Variants in PRSS57 observed in about 807,000 individuals in gnomAD.
PRSS57 encodes the protein serine protease 57.
PRSS57 carries 19 observed loss-of-function variants against 20.6 expected under a neutral mutation model. The observed-to-expected ratio is 0.92, with a 90% CI of 0.64 to 1.35. PRSS57 has a LOEUF of 1.35. PRSS57 is among the 40% of genes most tolerant of loss of function. The pLI is 0.00. For synonymous variants in PRSS57, 203 were observed against 176.6 expected (o/e 1.15, Z -1.19); for missense variants, 440 against 403.7 (o/e 1.09, Z -0.77).
At chr19:695,069 G>T in intron 1 of PRSS57, 102 bp from the exon 2 acceptor site, 1 of 1,156,146 alleles carries the variant, frequency 8.6e-7, no homozygotes, top group Non-Finnish European at 1.2e-6. Flanking sequence ...AGAGACAGGG[G>T]GTGAGATTAG....
chr19:687,445 G>T (rs949108302), intron 3 of PRSS57, among the ~76,000 whole-genome samples: 1 of 151,924 alleles, frequency 6.6e-6, no homozygotes, highest in African/African-American at 2.4e-5. Context: ...TCGCTCTGTC[G>T]CCCAGGCTGG....
At chr19:693,432 G>C (rs928755696) in intron 2 of PRSS57, among the ~76,000 whole-genome samples, 3 of 152,000 alleles carry the variant, frequency 2.0e-5, no homozygotes, top group African/African-American at 7.2e-5. Context: ...TGGGGGTGAC[G>C]GCTGCCCGTC....
In PRSS57 at chr19:685,780, C is replaced by T. The variant is rs139570652; in HGVS notation, c.785G>A (p.Arg262Gln). The T allele has an allele frequency of 2.0e-5, 31 of 1,566,552 alleles. No homozygotes were observed. The East Asian group carries it at 4.5e-4, about 23-fold the overall frequency. Residue 262 changes from arginine (R) to glutamine (Q), a missense_variant, in exon 5 of 5, where the codon CGG becomes CAG. Transcript: ENST00000329267. The stretch of plus-strand genomic sequence containing the variant: ...GGGGCCGGGCTGGGGACTGCTCCGC[C>T]GAACCACGTCCCAGATCCAGGCCAC... ...AFVAWIWDVV[R>Q]RSSPQPGPLP...
At chr19:688,013 A>G (rs748314754) in intron 3 of PRSS57, among the ~76,000 whole-genome samples, 1 of 152,222 alleles carries the variant, frequency 6.6e-6, no homozygotes, top group South Asian at 2.1e-4. Context: ...GGCTCCCTGC[A>G]GCCTGTTGAG....
chr19:685,836 G>A lies in PRSS57; in HGVS notation c.729C>T (p.Thr243=), dbSNP rs373784003. Residue 243 remains threonine, a synonymous_variant, in exon 5 of 5, where the codon ACC becomes ACT. Coordinates refer to ENST00000329267, the MANE Select transcript of PRSS57 (RefSeq NM_001308209.2). ...FSGLWCGDPK[T]PDVYTQVSAF... ...CGGACACCTGCGTGTACACGTCGGG[G>A]GTCTTGGGGTCGCCGCACCAGAGGC... 5.4e-5 allele frequency: 84 copies of A among 1,562,416 alleles called. No homozygotes were observed. The highest frequency in any genetic ancestry group is 1.1e-4 in the Admixed American group (6 of 52,712).
intron 3 of PRSS57, chr19:690,657 G>T (rs1462702388): frequency 1.5e-5 from 4 of 270,190 alleles, no homozygotes; most frequent in Non-Finnish European, 2.9e-5. Context: ...AAGCAGATCC[G>T]CACCGGCCAG....
chr19:690,425 C>G (rs537607450), intron 3 of PRSS57: 4 of 165,400 alleles, frequency 2.4e-5, no homozygotes, highest in African/African-American at 9.6e-5. Flanking sequence ...CCCGAGGCTT[C>G]GGCACTGGCT....
chr19:692,669 G>A (rs944459345), intron 2 of PRSS57, among the ~76,000 whole-genome samples: 6 of 151,250 alleles, frequency 4.0e-5, no homozygotes, highest in East Asian at 2.0e-4. Context: ...CACCTGCCTC[G>A]GCCTCCCAAA....
At chr19:691,355 A>G (rs1425002806) in intron 3 of PRSS57, among the ~76,000 whole-genome samples, 1 of 150,424 alleles carries the variant, frequency 6.6e-6, no homozygotes, top group Non-Finnish European at 1.5e-5. Flanking sequence ...AACACAAAAA[A>G]CTAGCCAGGT....
chr19:693,595 A>G (rs373689957), intron 2 of PRSS57, among the ~76,000 whole-genome samples: 50 of 152,006 alleles, frequency 3.3e-4, no homozygotes, highest in African/African-American at 1.1e-3. Flanking sequence ...TTCCGACAGA[A>G]TCTCACTCTT....
At chr19:691,380 C>T (rs577141609) in intron 3 of PRSS57, among the ~76,000 whole-genome samples, 7 of 151,552 alleles carry the variant, frequency 4.6e-5, no homozygotes, top group Non-Finnish European at 1.0e-4. Context: ...TGGCGAGTGC[C>T]TGTAATCCCA....
chr19:692,144 T>C (rs898800265), intron 2 of PRSS57, 142 bp from the exon 3 acceptor site: 35 of 821,224 alleles, frequency 4.3e-5, no homozygotes, highest in Non-Finnish European at 5.2e-5. Flanking sequence ...GTGAGGAGGG[T>C]GGATCACCTG....
rs1482242867 is a variant in PRSS57, at chr19:687,206, G to A, written c.379-18C>T. The A allele has an allele frequency of 6.7e-7, 1 of 1,484,338 alleles. No homozygotes were observed. Among genetic ancestry groups the A allele is most frequent in the Non-Finnish European group, 9.0e-7 (1 of 1,114,188 alleles). The allele number at this position is 1,484,338 out of a possible 1,614,324, so 91.9% of individuals were successfully genotyped here. The stretch of plus-strand genomic sequence containing the variant: ...CCGTTCAGCTGCAGGGAGAGCATGA[G>A]TTCAGGCCACTGGGCTCCCTCCCCA... On this transcript the variant is annotated intron_variant, in intron 3 of 4. Coordinates refer to ENST00000329267, the MANE Select transcript of PRSS57 (RefSeq NM_001308209.2).
At chr19:688,343 C>G (rs1406992905) in intron 3 of PRSS57, among the ~76,000 whole-genome samples, 1 of 135,284 alleles carries the variant, frequency 7.4e-6, no homozygotes, top group African/African-American at 3.0e-5. Context: ...TGCTCCTCCT[C>G]CTTTTTTTTT....
intron 3 of PRSS57, among the ~76,000 whole-genome samples, chr19:688,235 C>T (rs192304710): frequency 6.6e-6 from 1 of 152,336 alleles, no homozygotes; most frequent in African/African-American, 2.4e-5. Flanking sequence ...TCAGTTTCCC[C>T]ATCTGTGCGA....
At chr19:689,511 A>G (rs1399159808) in intron 3 of PRSS57, among the ~76,000 whole-genome samples, 1 of 152,038 alleles carries the variant, frequency 6.6e-6, no homozygotes, top group Non-Finnish European at 1.5e-5. Context: ...GAAAGGTGAC[A>G]GGCATGGATT....
intron 2 of PRSS57, among the ~76,000 whole-genome samples, 168 bp from the exon 3 acceptor site, chr19:692,170 G>A (rs191065399): frequency 3.6e-4 from 55 of 152,112 alleles, no homozygotes; most frequent in Non-Finnish European, 5.4e-4. Flanking sequence ...GGGAGTTCAA[G>A]ACCAGCCTGA....
rs1298674797 is a variant in PRSS57, at chr19:689,221, C to T, written c.379-2033G>A. The stretch of plus-strand genomic sequence containing the variant: ...TGGTCCACAGGTTAGCAGGTGACGA[C>T]GGGGTGGTCCAGGGGTTAGCAGGAG... On this transcript the variant is annotated intron_variant, in intron 3 of 4. Transcript: ENST00000329267. 1.0e-3 allele frequency among the ~76,000 whole-genome samples: 58 copies of T among 57,938 alleles called. 3 individuals carry two copies. Among genetic ancestry groups the T allele is most frequent in the African/African-American group, 4.9e-3 (52 of 10,516 alleles). The allele number at this position is 57,938 out of a possible 152,430, so 38.0% of individuals were successfully genotyped here.
chr19:686,622 C>T (rs151217205), intron 4 of PRSS57, among the ~76,000 whole-genome samples: 5 of 152,232 alleles, frequency 3.3e-5, no homozygotes, highest in Admixed American at 1.3e-4. Context: ...CCTGGGGATT[C>T]GTTTATCTGG....
Sources: allele counts gnomAD v4.1 joint callset (sites outside exome capture counted in the v4.1 genomes callset), GRCh38; gene constraint gnomAD v4.1.1; transcripts MANE v1.5; gene names NCBI Gene and HGNC (gene_info 2026-07-23, HGNC 2026-07-21).